NIPBL: variants seen among roughly 807,000 people sequenced by gnomAD.
NIPBL encodes nipped-B-like protein.
A neutral mutation model predicts 321.8 loss-of-function variants in NIPBL; 19 were observed. The observed-to-expected ratio is 0.06, with a 90% confidence interval of 0.04 to 0.09. NIPBL has a LOEUF of 0.09. NIPBL is among the 10% of genes least tolerant of loss of function. The pLI, the probability that NIPBL is intolerant of heterozygous loss-of-function variation, is 1.00. For synonymous variants in NIPBL, 1,106 were observed against 1,114.1 expected, an observed-to-expected ratio of 0.99 and a Z score of 0.14; for missense variants, 2,210 against 3,327.0, an observed-to-expected ratio of 0.66 and a Z score of 8.26.
chr5:37,005,281 A>G (rs1747297610), intron 16 of NIPBL, among the ~76,000 whole-genome samples: 1 of 152,130 alleles, frequency 6.6e-6, no homozygotes, highest in Non-Finnish European at 1.5e-5. Context: ...TACTTTTTGC[A>G]TCACAGAAAC....
rs1323566532 is a variant in NIPBL, at chr5:37,052,416, C to T, written c.7113C>T (p.Ile2371=). 6.2e-7 allele frequency: 1 copy of T among 1,614,006 alleles called. No homozygotes were observed. Among genetic ancestry groups the T allele is most frequent in the Admixed American group, 1.7e-5 (1 of 60,018 alleles). ...MKMSYQVQQA[I]NTCLKDPVRG... ...TGTCTTACCAGGTACAACAGGCAAT[C>T]AACACATGCCTAAAAGATCCTGTAA... Residue 2371 remains isoleucine (I), a synonymous_variant, in exon 42 of 47, where the codon ATC becomes ATT. Transcript: ENST00000282516.
chr5:37,010,863 T>C (rs1017699758), intron 21 of NIPBL, among the ~76,000 whole-genome samples: 6 of 152,196 alleles, frequency 3.9e-5, no homozygotes, highest in African/African-American at 1.4e-4. Context: ...GTAATATATA[T>C]GCATGTTGAG....
chr5:36,965,602 G>A (rs531079682), intron 6 of NIPBL, among the ~76,000 whole-genome samples: 70 of 152,170 alleles, frequency 4.6e-4, no homozygotes, highest in Non-Finnish European at 9.0e-4. Flanking sequence ...GTGTTTAATA[G>A]CTCAGTAGGG....
At chr5:36,983,501 ACTTTTAAC>A (rs1487158829) in intron 9 of NIPBL, among the ~76,000 whole-genome samples, 1 of 151,972 alleles carries the variant, frequency 6.6e-6, no homozygotes, top group African/African-American at 2.4e-5. Context: ...TGTCAGTTTG[ACTTTTAAC>A]CTTGTGATAC....
chr5:37,016,009 C>T (rs1748947436), intron 22 of NIPBL, 29 bp from the exon 23 acceptor site: 2 of 1,612,800 alleles, frequency 1.2e-6, no homozygotes, highest in South Asian at 1.1e-5. Flanking sequence ...CCTAAATTGA[C>T]ATCCTTTTCA....
intron 32 of NIPBL, among the ~76,000 whole-genome samples, chr5:37,027,984 C>A (rs533581191): frequency 5.3e-5 from 8 of 152,078 alleles, no homozygotes; most frequent in African/African-American, 1.9e-4. Context: ...TACTTTCTTT[C>A]CAGATAATTT....
chr5:36,888,858 A>G (rs1297011392), intron 1 of NIPBL, among the ~76,000 whole-genome samples: 1 of 152,156 alleles, frequency 6.6e-6, no homozygotes, highest in Non-Finnish European at 1.5e-5. Flanking sequence ...CTTGAAAAAC[A>G]AAGCAAGCAT....
chr5:37,051,554 T>C, intron 40 of NIPBL: 2 of 563,056 alleles, frequency 3.6e-6, no homozygotes, highest in Non-Finnish European at 6.3e-6. Flanking sequence ...TGAAATTGTT[T>C]AAATTTTATC....
intron 34 of NIPBL, among the ~76,000 whole-genome samples, chr5:37,042,791 A>G (rs964084876): frequency 1.3e-5 from 2 of 151,526 alleles, no homozygotes; most frequent in Middle Eastern, 3.4e-3. Context: ...GCGCCACTGC[A>G]TTCCAGCCTG....
intron 44 of NIPBL, among the ~76,000 whole-genome samples, chr5:37,060,637 G>A (rs538875175): frequency 6.6e-6 from 1 of 152,254 alleles, no homozygotes; most frequent in East Asian, 1.9e-4. Flanking sequence ...GGATAGGTTG[G>A]GGGTGGGGGA....
chr5:36,977,408 T>G (rs1241042026), intron 9 of NIPBL, among the ~76,000 whole-genome samples: 1 of 151,932 alleles, frequency 6.6e-6, no homozygotes, highest in Non-Finnish European at 1.5e-5. Context: ...CTAAGAAACA[T>G]GCTGAAGATT....
At chr5:37,040,091 A>G (rs988247354) in intron 34 of NIPBL, among the ~76,000 whole-genome samples, 2 of 152,146 alleles carry the variant, frequency 1.3e-5, no homozygotes, top group African/African-American at 4.8e-5. Context: ...AAGCAGTCCC[A>G]AAGTTAGAAT....
At chr5:36,945,058 T>G (rs938963903) in intron 1 of NIPBL, among the ~76,000 whole-genome samples, 3 of 152,190 alleles carry the variant, frequency 2.0e-5, no homozygotes, top group Non-Finnish European at 4.4e-5. Context: ...CTATTTCTTT[T>G]GCAATATAAA....
rs1746964793 is a variant in NIPBL at position 37,002,747 on chromosome 5, A to G, written c.3750A>G (p.Ala1250=). The G allele has an allele frequency of 6.3e-7, 1 of 1,578,476 alleles. No homozygotes were observed. Among genetic ancestry groups the G allele is most frequent in the African/African-American group, 1.3e-5 (1 of 74,250 alleles). Residue 1250 remains alanine (A), a synonymous_variant, in exon 15 of 47, where the codon GCA becomes GCG. Transcript: ENST00000282516. ...GCAGTGAATCTGCTAAAATAAAAGC[A>G]ATGGGTATAATGGATAAGGTATCTC... ...ELGSESAKIK[A]MGIMDKLSTD...
chr5:36,958,023 G>A lies in NIPBL; in HGVS notation c.231-81G>A, dbSNP rs569684755. 7 of 1,392,690 alleles carry A rather than the reference G, an allele frequency of 5.0e-6. No individual in the cohort carries two copies. In the East Asian group the frequency reaches 1.4e-4, roughly 28 times the overall value. 86.3% of individuals were successfully genotyped at this position (1,392,690 alleles called of 1,614,324 possible). ...AAAATTCATATTGTTGGCCATACCA[G>A]TGTGATTTACTTTTATATGATAAGT... On this transcript the variant is annotated intron_variant, in intron 3 of 46. Coordinates refer to ENST00000282516, the MANE Select transcript of NIPBL (RefSeq NM_133433.4).
intron 10 of NIPBL, 114 bp from the exon 11 acceptor site, chr5:36,995,508 T>TA (rs1272105879): frequency 2.8e-6 from 2 of 705,008 alleles, no homozygotes; most frequent in Non-Finnish European, 4.8e-6. Context: ...TTTATTAAAA[T>TA]AAACAGTTGA....
intron 42 of NIPBL, among the ~76,000 whole-genome samples, chr5:37,056,730 C>G (rs556101817): frequency 2.5e-4 from 38 of 152,220 alleles, no homozygotes; most frequent in African/African-American, 9.2e-4. Context: ...AGGTTAAACT[C>G]TTAGTAGCAC....
chr5:36,952,059 CGCGCGCGCGCGCGCATGTGTGTGT>C (rs1224419185), intron 1 of NIPBL, among the ~76,000 whole-genome samples: 3 of 74,526 alleles, frequency 4.0e-5, no homozygotes, highest in South Asian at 4.6e-4. Flanking sequence ...TGTGTGCGCG[CGCGCGCGCGCGCGCATGTGTGTGT>C]GTAGCAGTTT....
chr5:36,887,093 G>A (rs926522425), intron 1 of NIPBL, among the ~76,000 whole-genome samples: 2 of 151,590 alleles, frequency 1.3e-5, no homozygotes, highest in African/African-American at 2.4e-5. Flanking sequence ...TTTACCCCTC[G>A]ACCCCCAAAT....
Sources: gnomAD v4.1 joint callset for allele counts (sites outside exome capture counted in the v4.1 genomes callset) on GRCh38, gnomAD v4.1.1 for gene constraint, MANE v1.5 for transcripts, NCBI Gene and HGNC (gene_info 2026-07-23, HGNC 2026-07-21) for gene names.